The following PCDHGB6 variants were observed in gnomAD, a reference collection of about 807,000 sequenced individuals.
PCDHGB6 encodes protocadherin gamma subfamily B, 6, also known as protocadherin gamma-B6.
Under a neutral mutation model 59.1 loss-of-function variants are expected in PCDHGB6, and 51 were observed. The observed-to-expected ratio is 0.86, with a 90% confidence interval of 0.69 to 1.09. The LOEUF (loss-of-function observed/expected upper bound fraction) is 1.09, where lower values mean the gene tolerates loss of function less well. PCDHGB6 is among the 50% of genes least tolerant of loss of function. The pLI is 0.00. For missense variants in PCDHGB6, 1,148 were observed against 1,205.1 expected (o/e 0.95, Z 0.70); for synonymous variants, 466 against 495.1 (o/e 0.94, Z 0.78).
chr5:141,423,482 A>G, intron 1 of PCDHGB6: 2 of 1,613,968 alleles, frequency 1.2e-6, no homozygotes, highest in African/African-American at 1.3e-5. Flanking sequence ...GCTTTCCTGC[A>G]AACCTATTCC....
chr5:141,419,632 G>A (rs1210031265), intron 1 of PCDHGB6: 1 of 1,612,432 alleles, frequency 6.2e-7, no homozygotes, highest in Admixed American at 1.7e-5. Flanking sequence ...TGACCAAGGT[G>A]GTGGCCGTGG....
At chr5:141,456,701 G>C (rs370086323) in intron 1 of PCDHGB6, among the ~76,000 whole-genome samples, 1 of 151,988 alleles carries the variant, frequency 6.6e-6, no homozygotes. Flanking sequence ...GTGGTGGCTC[G>C]CGCCTGTAAT....
At chr5:141,453,101 TTTTTGTTTTG>T (rs879618609) in intron 1 of PCDHGB6, among the ~76,000 whole-genome samples, 16 of 152,130 alleles carry the variant, frequency 1.1e-4, no homozygotes, top group Middle Eastern at 3.4e-3. Flanking sequence ...TTCTGTTGCT[TTTTTGTTTTG>T]TTTTGTTTTG....
At chr5:141,418,876 C>A (rs917800201) in intron 1 of PCDHGB6, 1 of 1,613,844 alleles carries the variant, frequency 6.2e-7, no homozygotes. Context: ...AAGTTGTAGA[C>A]GAAAACGACA....
chr5:141,409,259 T>C lies in PCDHGB6; in HGVS notation c.1057T>C (p.Ser353Pro), dbSNP rs370130162. Reference protein sequence around the residue: ...NSPEIIITSLSDQILENSPPG... With the variant: ...NSPEIIITSLPDQILENSPPG... ...CCCAGAAATAATCATCACTTCTCTC[T>C]CTGATCAGATTTTGGAGAATTCACC... is the stretch of plus-strand genomic sequence containing the variant. The change falls in exon 1 of 4, where the codon TCT (serine) becomes CCT (proline). Residue 353 changes from serine (S) to proline (P), a missense_variant. Coordinates refer to ENST00000520790, the MANE Select transcript of PCDHGB6 (RefSeq NM_018926.3). The C allele has an allele frequency of 1.9e-6, 3 of 1,614,012 alleles. No individual in the cohort carries two copies. Among genetic ancestry groups the C allele is most frequent in the South Asian group, 2.2e-5 (2 of 91,082 alleles).
At chr5:141,423,750 T>TGG (rs144521096) in intron 1 of PCDHGB6, 9,462 of 287,056 alleles carry the variant, frequency 0.033, 140 homozygotes, top group African/African-American at 0.097. Flanking sequence ...GAAAACTGTT[T>TGG]GGGGGGGGGG....
In PCDHGB6 at chr5:141,511,445, A is replaced by G; in HGVS notation, c.*272A>G. ...GGTAGTGGGGTTACTGTAGACACCA[A>G]GAACCATTTGCCACACCCCGTTTAG... On this transcript the variant is annotated 3_prime_UTR_variant, in exon 4 of 4. Coordinates refer to ENST00000520790, the MANE Select transcript of PCDHGB6 (RefSeq NM_018926.3). 4.5e-6 allele frequency: 3 copies of G among 659,774 alleles called. No individual in the cohort carries two copies. Among genetic ancestry groups the G allele is most frequent in the Non-Finnish European group, 4.9e-6 (2 of 412,228 alleles). 40.9% of individuals were successfully genotyped at this position (659,774 alleles called of 1,614,324 possible). A position where few individuals can be genotyped will look rare whatever the true frequency, so the allele number is the denominator to read the frequency against.
chr5:141,409,163 G>A lies in PCDHGB6; in HGVS notation c.961G>A (p.Ala321Thr). Reference protein sequence around the residue: ...DVERYTMEVEAKDGGGLSTQC... With the variant: ...DVERYTMEVETKDGGGLSTQC... The stretch of plus-strand genomic sequence containing the variant: ...AGAAAGGTACACCATGGAAGTGGAA[G>A]CGAAGGACGGAGGTGGTCTCTCTAC... Residue 321 changes from alanine (A) to threonine (T), a missense_variant, in exon 1 of 4, where the codon GCG becomes ACG. Around this residue, in one of 5 missense-constraint regions of PCDHGB6, gnomAD observed 549 missense variants for 527.5 expected, o/e 1.04. Transcript: ENST00000520790. 1 of 1,614,026 alleles carries A rather than the reference G, an allele frequency of 6.2e-7. No individual in the cohort carries two copies.
chr5:141,490,984 T>TCTG lies in PCDHGB6; in HGVS notation c.2419-3820_2419-3818dup. On this transcript the variant is annotated intron_variant, in intron 1 of 3. Transcript: ENST00000520790. The surrounding 1 kb of genome is among the most constrained non-coding windows in gnomAD (Gnocchi z 5.4). ...CTCAGCCCCCCAGCGTCTCCCTCGCTCTGCTCCTCCTGGCTCCTTGGTCAC... is the reference window on the plus strand; with the variant it reads ...CTCAGCCCCCCAGCGTCTCCCTCGCTCTGCTGCTCCTCCTGGCTCCTTGGTCAC... The TCTG allele has an allele frequency of 1.2e-6, 2 of 1,614,110 alleles. No homozygotes were observed. Among genetic ancestry groups the TCTG allele is most frequent in the Non-Finnish European group, 1.7e-6 (2 of 1,180,028 alleles).
At chr5:141,475,892 G>A (rs1279219556) in intron 1 of PCDHGB6, 1 of 568,264 alleles carries the variant, frequency 1.8e-6, no homozygotes, top group Non-Finnish European at 3.1e-6. Context: ...GGGACTCTGT[G>A]TGCCGCTGTC....
intron 1 of PCDHGB6, chr5:141,433,179 T>C (rs760574214): frequency 1.2e-5 from 20 of 1,608,614 alleles, no homozygotes; most frequent in Admixed American, 1.7e-5. Flanking sequence ...CATGGGTTAA[T>C]TGAGGTGAGT....
chr5:141,448,192 TACAAAC>T (rs2098573842), intron 1 of PCDHGB6, among the ~76,000 whole-genome samples: 1 of 152,188 alleles, frequency 6.6e-6, no homozygotes, highest in Non-Finnish European at 1.5e-5. Flanking sequence ...TATGTACACT[TACAAAC>T]ATTTTCTGTG....
intron 2 of PCDHGB6, among the ~76,000 whole-genome samples, chr5:141,500,877 AT>A (rs369345007): frequency 5.2e-4 from 64 of 122,250 alleles, no homozygotes; most frequent in Admixed American, 1.0e-3. Context: ...TTCATTTACA[AT>A]TTTTTTTTTT....
At chr5:141,420,268 T>C (rs375162019) in intron 1 of PCDHGB6, 254 of 1,543,666 alleles carry the variant, frequency 1.6e-4, no homozygotes, top group Non-Finnish European at 2.1e-4. Context: ...AGAAGATTCT[T>C]AAACAGGTAA....
rs773624580 is a variant in PCDHGB6 at position 141,489,715 on chromosome 5, G to A, written c.2419-5092G>A. On this transcript the variant is annotated intron_variant, in intron 1 of 3. Transcript: ENST00000520790. The surrounding 1 kb of genome is among the most constrained non-coding windows in gnomAD (Gnocchi z 4.5). ...ACGATTCCCACTGGACAGTGCCCAG[G>A]ATCCGGATGTGGGCACCAATACTGT... The A allele has an allele frequency of 6.2e-6, 10 of 1,614,004 alleles. No homozygotes were observed. The highest frequency in any genetic ancestry group is 2.2e-5 in the East Asian group (1 of 44,886).
At chr5:141,454,203 T>C (rs981646952) in intron 1 of PCDHGB6, among the ~76,000 whole-genome samples, 2 of 152,148 alleles carry the variant, frequency 1.3e-5, no homozygotes, top group African/African-American at 4.8e-5. Flanking sequence ...GGTGAATTTA[T>C]TGACATGAAT....
At position 141,422,501 on chromosome 5, in the gene PCDHGB6, C is replaced by T. The variant is rs1343881573; in HGVS notation, c.2418+11881C>T. On this transcript the variant is annotated intron_variant, in intron 1 of 3. Coordinates refer to ENST00000520790, the MANE Select transcript of PCDHGB6 (RefSeq NM_018926.3). ...CAGAGCTACAATATAACGTTGACAGCCACAGACCAGGGAAGCCCGCCTTTG... is the reference window on the plus strand; with the variant it reads ...CAGAGCTACAATATAACGTTGACAGTCACAGACCAGGGAAGCCCGCCTTTG... 9.3e-6 allele frequency: 15 copies of T among 1,613,810 alleles called. No individual in the cohort carries two copies. The highest frequency in any genetic ancestry group is 1.3e-5 in the Non-Finnish European group (15 of 1,179,872).
chr5:141,458,390 C>T (rs2098944487), intron 1 of PCDHGB6, among the ~76,000 whole-genome samples: 1 of 152,058 alleles, frequency 6.6e-6, no homozygotes, highest in Non-Finnish European at 1.5e-5. Context: ...GAAGACGCTC[C>T]CCCTTGCAGA....
Position 141,491,244 on chromosome 5 carries a change from T to A in PCDHGB6, c.2419-3563T>A. 1 of 1,614,210 alleles carries A rather than the reference T, an allele frequency of 6.2e-7. No individual in the cohort carries two copies. Among genetic ancestry groups the A allele is most frequent in the Non-Finnish European group, 8.5e-7 (1 of 1,180,024 alleles). On this transcript the variant is annotated intron_variant, in intron 1 of 3. Coordinates refer to ENST00000520790, the MANE Select transcript of PCDHGB6 (RefSeq NM_018926.3). This position sits in a 1 kb window ranked among gnomAD's most constrained non-coding sequence, Gnocchi z 6.9. ...CCACAGTGCTGCTGGTTCTGGAGGA[T>A]GAGGACCCTGAGGAAATGCCCAAAT...
Sources: gnomAD v4.1 joint callset for allele counts (sites outside exome capture counted in the v4.1 genomes callset) on GRCh38, gnomAD v4.1.1 for gene constraint, gnomAD v4.1.1 regional missense constraint, Gnocchi (gnomAD v3.1) non-coding constraint, MANE v1.5 for transcripts, NCBI Gene and HGNC (gene_info 2026-07-23, HGNC 2026-07-21) for gene names.